The following RNF19B variants were observed in gnomAD, a reference collection of about 807,000 sequenced individuals.
RNF19B encodes E3 ubiquitin-protein ligase RNF19B.
A neutral mutation model predicts 65.5 loss-of-function variants in RNF19B; 23 were observed. The observed-to-expected ratio is 0.35, with a 90% CI of 0.25 to 0.50. The LOEUF is 0.50. Ranked by LOEUF, RNF19B falls within the 20% of genes least tolerant of loss-of-function variation. The pLI, the probability that RNF19B is intolerant of heterozygous loss-of-function variation, is 0.98. For missense variants in RNF19B, 794 were observed against 980.0 expected, an observed-to-expected ratio of 0.81 and a Z score of 2.53; for synonymous variants, 372 against 379.6, an observed-to-expected ratio of 0.98 and a Z score of 0.23.
chr1:32,945,398 A>T (rs1642343654), intron 5 of RNF19B, 116 bp downstream of exon 5: 1 of 609,038 alleles, frequency 1.6e-6, no homozygotes, highest in Non-Finnish European at 3.0e-6. Context: ...AACAGAATTT[A>T]CTATCAAGGT....
In RNF19B at chr1:32,964,274, G is replaced by C; in HGVS notation, c.412C>G (p.Pro138Ala). The C allele has an allele frequency of 6.5e-7, 1 of 1,534,808 alleles. No homozygotes were observed. Among genetic ancestry groups the C allele is most frequent in the Non-Finnish European group, 8.8e-7 (1 of 1,142,758 alleles). ...AGGCAGTCCCGGCACGAGCGGTGCG[G>C]ACAGCTGAGGAGGCGCGGGGCCCGC... ...PERAPRLLSC[P>A]HRSCRDCLRH... Residue 138 changes from proline (P) to alanine (A), a missense_variant, in exon 1 of 9, where the codon CCG (proline) becomes GCG (alanine). Pro to Ala is a conservative substitution (Grantham distance 27). This residue lies in a region of RNF19B where 374 missense variants were observed against 423.8 expected (regional missense o/e 0.88). Coordinates refer to ENST00000235150, the MANE Select transcript of RNF19B (RefSeq NM_001300826.2). This position sits in a 1 kb window ranked among gnomAD's most constrained non-coding sequence, Gnocchi z 6.5.
At chr1:32,958,987 G>T (rs539487901) in intron 1 of RNF19B, among the ~76,000 whole-genome samples, 3 of 152,150 alleles carry the variant, frequency 2.0e-5, no homozygotes, top group Admixed American at 6.6e-5. Flanking sequence ...TGTGGAACAG[G>T]AGGTATGGAG....
At chr1:32,961,940 A>T (rs1642779176) in intron 1 of RNF19B, among the ~76,000 whole-genome samples, 1 of 152,102 alleles carries the variant, frequency 6.6e-6, no homozygotes, top group Non-Finnish European at 1.5e-5. Context: ...GAAAGGAGTT[A>T]ATGTACTATT....
Position 32,937,161 on chromosome 1 carries a change from T to A in RNF19B, c.1841A>T (p.His614Leu). The A allele has an allele frequency of 1.2e-6, 2 of 1,614,190 alleles. No individual in the cohort carries two copies. Among genetic ancestry groups the A allele is most frequent in the Non-Finnish European group, 1.7e-6 (2 of 1,180,036 alleles). ...GSSTEDSLHV[H>L]AQMAENEEEG... ...TTCTTCATTCTCTGCCATCTGAGCA[T>A]GAACATGGAGCGAGTCCTCCGTGCT... Residue 614 changes from histidine (H) to leucine (L), a missense_variant, in exon 9 of 9, where the codon CAT (histidine) becomes CTT (leucine). Around this residue, in one of 3 missense-constraint regions of RNF19B, gnomAD observed 368 missense variants for 447.3 expected, o/e 0.82. Transcript: ENST00000235150.
chr1:32,954,786 A>T (rs1178183076), intron 1 of RNF19B, among the ~76,000 whole-genome samples: 1 of 151,976 alleles, frequency 6.6e-6, no homozygotes, highest in Admixed American at 6.6e-5. Flanking sequence ...ATTCCACCAA[A>T]TGGAGGTATA....
At chr1:32,941,399 G>A (rs1431170894) in intron 7 of RNF19B, among the ~76,000 whole-genome samples, 2 of 151,956 alleles carry the variant, frequency 1.3e-5, no homozygotes, top group Non-Finnish European at 2.9e-5. Context: ...AATTAGCCAG[G>A]CATGGTGGTG....
At chr1:32,961,595 T>C (rs1570128149) in intron 1 of RNF19B, among the ~76,000 whole-genome samples, 1 of 152,100 alleles carries the variant, frequency 6.6e-6, no homozygotes, top group East Asian at 1.9e-4. Context: ...CTTTCTTCTT[T>C]CCCCAAACTC....
At chr1:32,946,641 A>T in intron 3 of RNF19B, 77 bp from the exon 4 acceptor site, 1 of 1,287,562 alleles carries the variant, frequency 7.8e-7, no homozygotes, top group Non-Finnish European at 1.1e-6. Flanking sequence ...GATAACAGCA[A>T]CAGCCTTCTT....
intron 7 of RNF19B, among the ~76,000 whole-genome samples, chr1:32,941,933 T>C (rs1221427219): frequency 6.6e-6 from 1 of 152,068 alleles, no homozygotes; most frequent in African/African-American, 2.4e-5. Context: ...CCATCTCTAC[T>C]AAAAATACAA....
At chr1:32,933,306 G>A (rs1023540434), downstream of RNF19B, among the ~76,000 whole-genome samples, 37 of 151,740 alleles carry the variant, frequency 2.4e-4, no homozygotes, top group Admixed American at 7.9e-4. Flanking sequence ...CCAGGCTGGA[G>A]TGCAGTGGCG....
At chr1:32,963,437 C>A (rs1642818563) in intron 1 of RNF19B, among the ~76,000 whole-genome samples, 1 of 152,170 alleles carries the variant, frequency 6.6e-6, no homozygotes, top group Non-Finnish European at 1.5e-5. Flanking sequence ...CCACCTTGGC[C>A]GGGAGCGGTG....
Position 32,942,287 on chromosome 1 carries a change from G to A in RNF19B, c.1575C>T (p.Gly525=), listed in dbSNP as rs754806686. 1.2e-5 allele frequency: 20 copies of A among 1,612,096 alleles called. No individual in the cohort carries two copies. In the East Asian group the frequency reaches 3.3e-4, roughly 27 times the overall value. ...TTCCCTTGCCACTGGAGAGAATGCC[G>A]CCACTCAGCGTGCCCCCTGAGAGGG... is the stretch of plus-strand genomic sequence containing the variant. ...FAALSGGTLS[G]GILSSGKGKY... Residue 525 remains glycine, a synonymous_variant, in exon 7 of 9, where the codon GGC becomes GGT. Coordinates refer to ENST00000235150, the MANE Select transcript of RNF19B (RefSeq NM_001300826.2).
intron 4 of RNF19B, among the ~76,000 whole-genome samples, chr1:32,946,021 ACC>A (rs1642360098): frequency 6.6e-6 from 1 of 151,910 alleles, no homozygotes; most frequent in South Asian, 2.1e-4. Flanking sequence ...ATGCCACCAT[ACC>A]CAGCTAATTT....
chr1:32,945,591 T>G lies in RNF19B; in HGVS notation c.1184A>C (p.His395Pro). Residue 395 changes from histidine (H) to proline (P), a missense_variant, in exon 5 of 9, where the codon CAC becomes CCC. By Grantham distance (77) the His-to-Pro change is moderately conservative. This residue lies in a region of RNF19B where 368 missense variants were observed against 447.3 expected (regional missense o/e 0.82). Transcript: ENST00000235150. The part of the protein sequence containing the change: ...SRYEGRKTSK[H>P]KRNLAITGGV... ...TCCAGTGATAGCCAAATTCCTCTTG[T>G]GTTTGGAGGTTTTCCTTCCCTCATA... The G allele has an allele frequency of 6.2e-7, 1 of 1,613,774 alleles. No homozygotes were observed. The highest frequency in any genetic ancestry group is 8.5e-7 in the Non-Finnish European group (1 of 1,179,652).
At chr1:32,952,165 T>A (rs962706655) in intron 1 of RNF19B, among the ~76,000 whole-genome samples, 6 of 151,962 alleles carry the variant, frequency 3.9e-5, no homozygotes, top group African/African-American at 1.4e-4. Context: ...TTCTTGTAGT[T>A]CATGTTCATT....
intron 1 of RNF19B, among the ~76,000 whole-genome samples, chr1:32,960,786 CA>C (rs1278726352): frequency 3.3e-5 from 5 of 151,952 alleles, no homozygotes; most frequent in Non-Finnish European, 7.4e-5. Flanking sequence ...AGCTTGAGCC[CA>C]GGAGTTCGAG....
At chr1:32,957,225 G>A (rs542624228) in intron 1 of RNF19B, among the ~76,000 whole-genome samples, 3 of 151,982 alleles carry the variant, frequency 2.0e-5, no homozygotes, top group Non-Finnish European at 4.4e-5. Flanking sequence ...GGCTGGTCTC[G>A]AACTCCTGGG....
chr1:32,955,758 A>G (rs1291450546), intron 1 of RNF19B, among the ~76,000 whole-genome samples: 1 of 151,844 alleles, frequency 6.6e-6, no homozygotes, highest in South Asian at 2.1e-4. Context: ...CAAAAAAAAA[A>G]AAAAAAGAAA....
At chr1:32,963,240 G>A (rs1642813895) in intron 1 of RNF19B, among the ~76,000 whole-genome samples, 1 of 152,150 alleles carries the variant, frequency 6.6e-6, no homozygotes, top group Non-Finnish European at 1.5e-5. Flanking sequence ...GTACCCGAGA[G>A]CCTATTCCCC....
Sources: gnomAD v4.1 joint callset for allele counts (sites outside exome capture counted in the v4.1 genomes callset) on GRCh38, gnomAD v4.1.1 for gene constraint, gnomAD v4.1.1 regional missense constraint, Gnocchi (gnomAD v3.1) non-coding constraint, MANE v1.5 for transcripts, NCBI Gene and HGNC (gene_info 2026-07-23, HGNC 2026-07-21) for gene names.